MACROD2: variants seen among roughly 807,000 people sequenced by gnomAD.
The protein encoded by MACROD2 is mono-ADP ribosylhydrolase 2, also known as ADP-ribose glycohydrolase MACROD2.
MACROD2 carries 36 observed loss-of-function variants against 70.4 expected under a neutral mutation model. The observed-to-expected ratio is 0.51, with a 90% CI of 0.39 to 0.68. The LOEUF is 0.68. MACROD2 is among the 30% of genes least tolerant of loss of function. MACROD2 has a pLI of 0.00. For missense variants in MACROD2, 496 were observed against 538.4 expected (o/e 0.92, Z 0.78); for synonymous variants, 172 against 178.8 (o/e 0.96, Z 0.30).
intron 10 of MACROD2, among the ~76,000 whole-genome samples, chr20:15,889,137 G>T (rs139383536): frequency 6.6e-6 from 1 of 152,158 alleles, no homozygotes; most frequent in South Asian, 2.1e-4. Context: ...AAGAGCCCCA[G>T]TGTGAAGAGT....
intron 5 of MACROD2, among the ~76,000 whole-genome samples, chr20:15,133,268 G>C (rs2076119949): frequency 6.6e-6 from 1 of 152,010 alleles, no homozygotes; most frequent in East Asian, 1.9e-4. Context: ...AAAGACTAAT[G>C]ATAGACTGGA....
chr20:14,333,398 G>A (rs1410403706), intron 3 of MACROD2, among the ~76,000 whole-genome samples: 7 of 152,088 alleles, frequency 4.6e-5, no homozygotes, highest in Non-Finnish European at 7.4e-5. Flanking sequence ...GATATTATCC[G>A]TCAGCATAGT....
intron 8 of MACROD2, among the ~76,000 whole-genome samples, chr20:15,792,987 G>T (rs968660405): frequency 6.6e-6 from 1 of 152,042 alleles, no homozygotes; most frequent in Non-Finnish European, 1.5e-5. Context: ...AACATGAAGC[G>T]TATCTCTTAA....
intron 8 of MACROD2, among the ~76,000 whole-genome samples, chr20:15,860,639 A>G (rs1465127848): frequency 1.3e-5 from 2 of 152,146 alleles, no homozygotes; most frequent in Non-Finnish European, 2.9e-5. Flanking sequence ...AGAGCCATGT[A>G]CCTATCCCCA....
intron 4 of MACROD2, among the ~76,000 whole-genome samples, chr20:14,510,444 C>T (rs1300636503): frequency 6.6e-6 from 1 of 152,058 alleles, no homozygotes; most frequent in African/African-American, 2.4e-5. Context: ...GTCTTTACCT[C>T]ACTTTCACAA....
At chr20:14,010,649 C>A (rs2052888698) in intron 2 of MACROD2, among the ~76,000 whole-genome samples, 1 of 151,098 alleles carries the variant, frequency 6.6e-6, no homozygotes, top group Non-Finnish European at 1.5e-5. Flanking sequence ...TCTGGCACTG[C>A]ATCTGGTATG....
chr20:15,948,382 CAAAAAAAAAAAAAAAAA>C (rs71192307), intron 12 of MACROD2, among the ~76,000 whole-genome samples: 1 of 43,128 alleles, frequency 2.3e-5, no homozygotes, highest in East Asian at 6.4e-4. Context: ...CTTGCAACTG[CAAAAAAAAAAAAAAAAA>C]AAAAAAAAAA....
chr20:15,034,467 A>G (rs896012736), intron 5 of MACROD2, among the ~76,000 whole-genome samples: 1 of 152,098 alleles, frequency 6.6e-6, no homozygotes, highest in Non-Finnish European at 1.5e-5. Flanking sequence ...CAGCCCCCTC[A>G]GTTTAGGGTA....
rs565449493 is a variant in MACROD2, at chr20:14,493,432, C to T, written c.272-47C>T. On this transcript the variant is annotated intron_variant, in intron 3 of 17. Coordinates refer to ENST00000684519, the MANE Select transcript of MACROD2 (RefSeq NM_001351661.2). ...TGAATTACTCTGATATACTATATTTCTTATACATATTATTTAATGTCTTTT... is the reference window on the plus strand; with the variant it reads ...TGAATTACTCTGATATACTATATTTTTTATACATATTATTTAATGTCTTTT... 3.3e-6 allele frequency: 5 copies of T among 1,513,424 alleles called. No individual in the cohort carries two copies. The African/African-American group carries it at 4.1e-5, about 12-fold the overall frequency. 93.7% of individuals were successfully genotyped at this position (1,513,424 alleles called of 1,614,324 possible). A position where few individuals can be genotyped will look rare whatever the true frequency, so the allele number is the denominator to read the frequency against.
At chr20:14,393,412 G>T (rs1483126065) in intron 3 of MACROD2, among the ~76,000 whole-genome samples, 1 of 151,928 alleles carries the variant, frequency 6.6e-6, no homozygotes, top group Non-Finnish European at 1.5e-5. Context: ...CTATGCCAAG[G>T]GTCAGAAAAT....
At chr20:15,615,628 C>T (rs1389564412) in intron 8 of MACROD2, among the ~76,000 whole-genome samples, 1 of 152,082 alleles carries the variant, frequency 6.6e-6, no homozygotes, top group Non-Finnish European at 1.5e-5. Context: ...CAAGAAGTGA[C>T]CACAGGCCAC....
chr20:15,491,374 C>T (rs1188604527), intron 7 of MACROD2, among the ~76,000 whole-genome samples: 1 of 152,202 alleles, frequency 6.6e-6, no homozygotes, highest in African/African-American at 2.4e-5. Context: ...TCAGACATGA[C>T]ACCTCATTGT....
chr20:15,765,003 C>G (rs1464661801), intron 8 of MACROD2, among the ~76,000 whole-genome samples: 1 of 152,146 alleles, frequency 6.6e-6, no homozygotes, highest in Admixed American at 6.5e-5. Context: ...GTTCCCTCTG[C>G]TTGGAAAACC....
intron 6 of MACROD2, among the ~76,000 whole-genome samples, chr20:15,281,300 C>G (rs2077442265): frequency 6.6e-6 from 1 of 152,202 alleles, no homozygotes. Context: ...CCAATCATAT[C>G]TTCCCAACAG....
At chr20:14,672,293 AT>A (rs2070804638) in intron 4 of MACROD2, among the ~76,000 whole-genome samples, 1 of 152,222 alleles carries the variant, frequency 6.6e-6, no homozygotes, top group Non-Finnish European at 1.5e-5. Context: ...ATAATCTCTC[AT>A]CCTTCAGCTA....
At chr20:15,464,702 A>C (rs1422951489) in intron 7 of MACROD2, among the ~76,000 whole-genome samples, 1 of 152,172 alleles carries the variant, frequency 6.6e-6, no homozygotes, top group Non-Finnish European at 1.5e-5. Context: ...TCAGATGGTA[A>C]TTGTCTTTCA....
intron 4 of MACROD2, among the ~76,000 whole-genome samples, chr20:14,659,389 A>C (rs1418136708): frequency 6.6e-6 from 1 of 152,174 alleles, no homozygotes; most frequent in Non-Finnish European, 1.5e-5. Context: ...GTAGCAATAT[A>C]ATAATGTCAG....
At chr20:15,209,291 T>C (rs879441385) in intron 5 of MACROD2, among the ~76,000 whole-genome samples, 1 of 152,088 alleles carries the variant, frequency 6.6e-6, no homozygotes, top group Non-Finnish European at 1.5e-5. Context: ...TTTCAGAGTC[T>C]TCTTATATTT....
At chr20:14,209,713 C>T (rs547058780) in intron 3 of MACROD2, among the ~76,000 whole-genome samples, 2 of 152,086 alleles carry the variant, frequency 1.3e-5, no homozygotes, top group South Asian at 2.1e-4. Context: ...GTAGGGCATC[C>T]GAGCCAGACA....
Sources: allele counts gnomAD v4.1 joint callset (sites outside exome capture counted in the v4.1 genomes callset), GRCh38; gene constraint gnomAD v4.1.1; transcripts MANE v1.5; gene names NCBI Gene and HGNC (gene_info 2026-07-23, HGNC 2026-07-21).